The following ZBTB48 variants were observed in gnomAD, a reference collection of about 807,000 sequenced individuals.
ZBTB48 encodes zinc finger and BTB domain containing 48.
ZBTB48 carries 35 observed loss-of-function variants against 64.5 expected under a neutral mutation model. The ratio of observed to expected loss-of-function variants is 0.54; its 90% CI spans 0.41 to 0.72. ZBTB48 has a LOEUF of 0.72. Among genes scored for constraint, ZBTB48 ranks in the 30% least tolerant of loss-of-function variants. The pLI, the probability that ZBTB48 is intolerant of heterozygous loss-of-function variation, is 0.00. For missense variants in ZBTB48, 828 were observed against 895.3 expected, an observed-to-expected ratio of 0.92 and a Z score of 0.96; for synonymous variants, 442 against 356.7, an observed-to-expected ratio of 1.24 and a Z score of -2.70.
chr1:6,587,664 G>T, intron 7 of ZBTB48, 32 bp downstream of exon 7: 1 of 1,609,554 alleles, frequency 6.2e-7, no homozygotes, highest in Non-Finnish European at 8.5e-7. Flanking sequence ...TTGGGGCCCA[G>T]TCCTGCTGCC....
In ZBTB48 at chr1:6,589,187, C is replaced by T. The variant is rs1640793842; in HGVS notation, c.2042C>T (p.Ala681Val). The T allele has an allele frequency of 6.5e-7, 1 of 1,531,976 alleles. No individual in the cohort carries two copies. Among genetic ancestry groups the T allele is most frequent in the Non-Finnish European group, 8.7e-7 (1 of 1,143,094 alleles). The allele number at this position is 1,531,976 out of a possible 1,614,324, so 94.9% of individuals were successfully genotyped here. A position where few individuals can be genotyped will look rare whatever the true frequency, so the allele number is the denominator to read the frequency against. Residue 681 changes from alanine (A) to valine (V), a missense_variant, in exon 11 of 11, where the codon GCT becomes GTT. Coordinates refer to ENST00000377674, the MANE Select transcript of ZBTB48 (RefSeq NM_005341.4). ...GAGCCCTCCCTCATCATCACAGCTGCTGTCCCCGAGGACTGTGACACATAG... is the reference window on the plus strand; with the variant it reads ...GAGCCCTCCCTCATCATCACAGCTGTTGTCCCCGAGGACTGTGACACATAG... ...VLEPSLIITA[A>V]VPEDCDT
rs200401520 is a variant in ZBTB48, at chr1:6,587,197, T to C, written c.1138-8T>C. The C allele has an allele frequency of 6.2e-7, 1 of 1,613,878 alleles. No homozygotes were observed. The highest frequency in any genetic ancestry group is 2.2e-5 in the East Asian group (1 of 44,866). ...CGCCCTGGAGGTGACTGTGGGCCTC[T>C]TTTTCAGTGTTCCTCCTGCTCCCAG... On this transcript the variant is annotated splice_polypyrimidine_tract_variant and splice_region_variant and intron_variant, in intron 5 of 10. Transcript: ENST00000377674.
intron 3 of ZBTB48, among the ~76,000 whole-genome samples, chr1:6,583,882 C>T (rs1256307693): frequency 2.7e-5 from 4 of 150,502 alleles, no homozygotes; most frequent in East Asian, 2.0e-4. Flanking sequence ...CAGGTTCAAG[C>T]GATTCTCCTG....
At position 6,583,910 on chromosome 1, in the gene ZBTB48, G is replaced by C. The variant is rs146151200; in HGVS notation, c.932+1611G>C. 8.1e-3 allele frequency among the ~76,000 whole-genome samples: 1,229 copies of C among 151,570 alleles called. 17 individuals carry two copies. The highest frequency in any genetic ancestry group is 0.028 in the African/African-American group (1,160 of 41,268). On this transcript the variant is annotated intron_variant, in intron 3 of 10. Coordinates refer to ENST00000377674, the MANE Select transcript of ZBTB48 (RefSeq NM_005341.4). ...TTCTCCTGCCTCAGCCTCCTGAGTA[G>C]CTGGGATTACAGGCACGCGCCACCA...
In ZBTB48 at chr1:6,589,002, G is replaced by C. The variant is rs779788119; in HGVS notation, c.1857G>C (p.Glu619Asp). Residue 619 changes from glutamate to aspartate, a missense_variant, in exon 11 of 11, where the codon GAG becomes GAC. Physicochemically the swap from Glu to Asp is conservative, Grantham distance 45 (BLOSUM62 2). Transcript: ENST00000377674. Reference sequence around the variant, plus strand: ...GCAAGCTCCGCAACCTGATCATCGAGGACGAGAAGATGGTGGTGGTGGCGC... The same window carrying C: ...GCAAGCTCCGCAACCTGATCATCGACGACGAGAAGATGGTGGTGGTGGCGC... ...RQRKLRNLIIEDEKMVVVALQ... is the reference protein window; with the variant it reads ...RQRKLRNLIIDDEKMVVVALQ... 6.3e-7 allele frequency: 1 copy of C among 1,596,810 alleles called. No homozygotes were observed.
chr1:6,581,078 C>G lies in ZBTB48; in HGVS notation c.469C>G (p.Leu157Val). 2 of 1,613,148 alleles carry G rather than the reference C, an allele frequency of 1.2e-6. No homozygotes were observed. Among genetic ancestry groups the G allele is most frequent in the South Asian group, 2.2e-5 (2 of 91,082 alleles). Reference protein sequence around the residue: ...GLEEEEVSRTLGLVPRDQEPR... With the variant: ...GLEEEEVSRTVGLVPRDQEPR... ...GGAAGAAGAGGAAGTTTCGAGGACT[C>G]TGGGTCTAGTCCCCAGGGATCAGGA... Residue 157 changes from leucine (L) to valine (V), a missense_variant, in exon 2 of 11, where the codon CTG becomes GTG. Leu to Val is a conservative substitution (Grantham distance 32). Transcript: ENST00000377674.
rs939393022 is a variant in ZBTB48, at chr1:6,589,260, G to C, written c.*48G>C. The C allele has an allele frequency of 2.7e-6, 4 of 1,475,314 alleles. No individual in the cohort carries two copies. The highest frequency in any genetic ancestry group is 2.5e-5 in the Admixed American group (1 of 40,576). 91.4% of individuals were successfully genotyped at this position (1,475,314 alleles called of 1,614,324 possible). A position where few individuals can be genotyped will look rare whatever the true frequency, so the allele number is the denominator to read the frequency against. ...ACTTGGCCCCACCCCTCAATAAACC[G>C]TGTGGCTTTGGACTCTCGTATTTCA... On this transcript the variant is annotated 3_prime_UTR_variant, in exon 11 of 11. Coordinates refer to ENST00000377674, the MANE Select transcript of ZBTB48 (RefSeq NM_005341.4).
chr1:6,586,599 ACT>A (rs1640676093), intron 4 of ZBTB48, 94 bp from the exon 5 acceptor site: 34 of 1,402,888 alleles, frequency 2.4e-5, no homozygotes, highest in Non-Finnish European at 3.2e-5. Context: ...CCCCAGGCAG[ACT>A]CTTCCCAGCA....
Position 6,588,108 on chromosome 1 carries a change from A to G in ZBTB48, c.1428A>G (p.Gln476=), listed in dbSNP as rs1570178051. ...AGTTCTGCAGCCACGCCTTCACCCA[A>G]AAGGCCAATCTCAACATGCACCTGC... is the stretch of plus-strand genomic sequence containing the variant. ...VCEFCSHAFT[Q]KANLNMHLRT... Residue 476 remains glutamine, a synonymous_variant, in exon 8 of 11, where the codon CAA becomes CAG. Transcript: ENST00000377674. 2 of 1,614,038 alleles carry G rather than the reference A, an allele frequency of 1.2e-6. No homozygotes were observed. Among genetic ancestry groups the G allele is most frequent in the Non-Finnish European group, 1.7e-6 (2 of 1,180,038 alleles).
In ZBTB48 at chr1:6,580,675, G is replaced by A. The variant is rs367845301; in HGVS notation, c.66G>A (p.Lys22=). 1.2e-6 allele frequency: 2 copies of A among 1,614,170 alleles called. No individual in the cohort carries two copies. The highest frequency in any genetic ancestry group is 1.7e-6 in the Non-Finnish European group (2 of 1,180,030). ...AGGAGCTCAACAAGCAGCGGGAGAA[G>A]GGCCAGTACTGCGACGCCACTCTGG... is the stretch of plus-strand genomic sequence containing the variant. ...VLQELNKQRE[K]GQYCDATLDV... Residue 22 remains lysine, a synonymous_variant, in exon 2 of 11, where the codon AAG becomes AAA. Coordinates refer to ENST00000377674, the MANE Select transcript of ZBTB48 (RefSeq NM_005341.4). The surrounding 1 kb of genome is among the most constrained non-coding windows in gnomAD (Gnocchi z 5.2).
chr1:6,583,678 G>A (rs193220551), intron 3 of ZBTB48, among the ~76,000 whole-genome samples: 21 of 149,402 alleles, frequency 1.4e-4, no homozygotes, highest in African/African-American at 5.0e-4. Flanking sequence ...TTGGCTCACT[G>A]CAACTTCTGT....
chr1:6,586,653 G>T (rs1429972359), intron 4 of ZBTB48, 42 bp from the exon 5 acceptor site: 62 of 1,504,520 alleles, frequency 4.1e-5, no homozygotes, highest in Non-Finnish European at 5.2e-5. Flanking sequence ...ATAGGCAGAG[G>T]CCCCCGCTGA....
At position 6,580,407 on chromosome 1, in the gene ZBTB48, C is replaced by T. The variant is rs951206690; in HGVS notation, c.-69-134C>T. 6 of 605,668 alleles carry T rather than the reference C, an allele frequency of 9.9e-6. No homozygotes were observed. The highest frequency in any genetic ancestry group is 3.7e-5 in the African/African-American group (2 of 53,898). 37.5% of individuals were successfully genotyped at this position (605,668 alleles called of 1,614,324 possible). ...ATCCCCCCTGGCCAATCCAATATGGCCCCCGGCCCCCGGGAGGCTGTCAGT... is the reference window on the plus strand; with the variant it reads ...ATCCCCCCTGGCCAATCCAATATGGTCCCCGGCCCCCGGGAGGCTGTCAGT... On this transcript the variant is annotated intron_variant, in intron 1 of 10. Coordinates refer to ENST00000377674, the MANE Select transcript of ZBTB48 (RefSeq NM_005341.4). This position sits in a 1 kb window ranked among gnomAD's most constrained non-coding sequence, Gnocchi z 5.2.
At chr1:6,582,015 C>T in intron 2 of ZBTB48, 43 bp from the exon 3 acceptor site, 1 of 1,604,094 alleles carries the variant, frequency 6.2e-7, no homozygotes, top group Non-Finnish European at 8.5e-7. Flanking sequence ...CCTGCTGATT[C>T]ATTTGGTGAC....
At chr1:6,581,908 C>G in intron 2 of ZBTB48, 150 bp from the exon 3 acceptor site, 2 of 1,205,532 alleles carry the variant, frequency 1.7e-6, no homozygotes, top group East Asian at 4.7e-5. Flanking sequence ...ATCCAAGATT[C>G]AGATGCTCTG....
intron 2 of ZBTB48, 146 bp from the exon 3 acceptor site, chr1:6,581,912 T>TGC: frequency 1.6e-6 from 2 of 1,219,126 alleles, no homozygotes; most frequent in Non-Finnish European, 2.3e-6. Flanking sequence ...AAGATTCAGA[T>TGC]GCTCTGCCTT....
At chr1:6,587,791 G>T (rs1021817498) in intron 7 of ZBTB48, among the ~76,000 whole-genome samples, 159 bp downstream of exon 7, 1 of 152,232 alleles carries the variant, frequency 6.6e-6, no homozygotes, top group Admixed American at 6.5e-5. Flanking sequence ...AGTGGGACCT[G>T]AGGGGCAAGC....
rs769251865 is a variant in ZBTB48, at chr1:6,588,421, A to G, written c.1660A>G (p.Ile554Val). The change falls in exon 9 of 11, where the codon ATA becomes GTA. Residue 554 changes from isoleucine (I) to valine (V), a missense_variant. Ile to Val is a conservative substitution (Grantham distance 29). Coordinates refer to ENST00000377674, the MANE Select transcript of ZBTB48 (RefSeq NM_005341.4). The part of the protein sequence containing the change: ...HQEGRPHFCQ[I>V]CGKTFKAVEQ... ...GGAGGGCCGGCCCCACTTCTGCCAG[A>G]TATGCGGCAAGACCTTCAAAGGTAC... The G allele has an allele frequency of 2.6e-6, 4 of 1,555,764 alleles. No individual in the cohort carries two copies. The highest frequency in any genetic ancestry group is 3.5e-6 in the Non-Finnish European group (4 of 1,149,280).
intron 4 of ZBTB48, chr1:6,586,275 C>G (rs990496257): frequency 1.1e-5 from 6 of 547,268 alleles, no homozygotes; most frequent in East Asian, 8.9e-5. Flanking sequence ...TCCTAGGCCC[C>G]TGGCCCACCT....
Sources: allele counts gnomAD v4.1 joint callset (sites outside exome capture counted in the v4.1 genomes callset), GRCh38; gene constraint gnomAD v4.1.1; non-coding constraint Gnocchi (gnomAD v3.1); transcripts MANE v1.5; gene names NCBI Gene and HGNC (gene_info 2026-07-23, HGNC 2026-07-21).